MAP3K7CL: variants seen among roughly 807,000 people sequenced by gnomAD.
The protein encoded by MAP3K7CL is MAP3K7 C-terminal-like protein.
Under a neutral mutation model 18.6 loss-of-function variants are expected in MAP3K7CL, and 16 were observed. That is an observed-to-expected ratio of 0.86 (90% CI 0.58 to 1.31). The LOEUF is 1.31. Among genes scored for constraint, MAP3K7CL ranks in the 50% most tolerant of loss-of-function variants. MAP3K7CL has a pLI of 0.00. For synonymous variants in MAP3K7CL, 65 were observed against 66.8 expected (o/e 0.97, Z 0.13); for missense variants, 163 against 174.4 (o/e 0.93, Z 0.37).
intron 2 of MAP3K7CL, among the ~76,000 whole-genome samples, chr21:29,140,676 G>C (rs939575133): frequency 6.6e-6 from 1 of 152,188 alleles, no homozygotes; most frequent in Non-Finnish European, 1.5e-5. Context: ...GATGGAGGAA[G>C]GTTACTTCTG....
intron 4 of MAP3K7CL, among the ~76,000 whole-genome samples, chr21:29,161,810 A>G (rs979008306): frequency 1.3e-5 from 2 of 152,194 alleles, no homozygotes; most frequent in Non-Finnish European, 2.9e-5. Flanking sequence ...TGGTGGTCGG[A>G]CAGTATAGCA....
At position 29,159,938 on chromosome 21, in the gene MAP3K7CL, A is replaced by T. The variant is rs1372418775; in HGVS notation, c.133-3A>T. ...GACTAATTTCTTCTTGTTGTTTGTG[A>T]AGCCCCTGCCGCCTTGTCATGACTC... is the stretch of plus-strand genomic sequence containing the variant. On this transcript the variant is annotated splice_polypyrimidine_tract_variant and splice_region_variant and intron_variant, in intron 3 of 4. Transcript: ENST00000399928. The T allele has an allele frequency of 1.2e-6, 2 of 1,610,974 alleles. No homozygotes were observed. Among genetic ancestry groups the T allele is most frequent in the South Asian group, 2.2e-5 (2 of 90,850 alleles).
intron 4 of MAP3K7CL, among the ~76,000 whole-genome samples, chr21:29,119,045 C>T (rs2086549967): frequency 6.6e-6 from 1 of 152,156 alleles, no homozygotes; most frequent in Admixed American, 6.5e-5. Flanking sequence ...CCAGTCTCGG[C>T]CATTATCTAT....
At chr21:29,144,140 GT>G (rs2087072237) in intron 2 of MAP3K7CL, among the ~76,000 whole-genome samples, 1 of 151,194 alleles carries the variant, frequency 6.6e-6, no homozygotes, top group Admixed American at 6.6e-5. Context: ...AATTCCCCAT[GT>G]TTTAGGGAAT....
chr21:29,145,018 A>T (rs2087095650), intron 2 of MAP3K7CL, among the ~76,000 whole-genome samples: 1 of 152,102 alleles, frequency 6.6e-6, no homozygotes, highest in Admixed American at 6.5e-5. Context: ...TATATAAAAA[A>T]TTTTCCTCTT....
chr21:29,103,439 T>A (rs2086267233), intron 4 of MAP3K7CL, among the ~76,000 whole-genome samples: 1 of 151,074 alleles, frequency 6.6e-6, no homozygotes, highest in African/African-American at 2.4e-5. Flanking sequence ...AAAAAAAAAT[T>A]AAAAATTACA....
Position 29,174,785 on chromosome 21 carries a change from G to A in MAP3K7CL, c.322G>A (p.Glu108Lys), listed in dbSNP as rs766097899. The change falls in exon 5 of 5, where the codon GAG becomes AAG. Residue 108 changes from glutamate (E) to lysine (K), a missense_variant. Coordinates refer to ENST00000399928, the MANE Select transcript of MAP3K7CL (RefSeq NM_001286620.2). ...TGCTGCTGAGCTGGTTCGGGAATTC[G>A]AGGCTCTGACGGAGGAGAATCGGAC... ...VDAAELVREF[E>K]ALTEENRTLR... The A allele has an allele frequency of 1.2e-5, 20 of 1,614,008 alleles. No homozygotes were observed. The highest frequency in any genetic ancestry group is 8.8e-5 in the South Asian group (8 of 91,092).
intron 2 of MAP3K7CL, among the ~76,000 whole-genome samples, chr21:29,139,826 C>T (rs1026958857): frequency 2.0e-5 from 3 of 151,776 alleles, no homozygotes; most frequent in Admixed American, 6.6e-5. Flanking sequence ...CTCAGGTGAC[C>T]GCCCGCCTTG....
At chr21:29,095,547 G>A (rs1016264972) in intron 4 of MAP3K7CL, among the ~76,000 whole-genome samples, 1 of 152,152 alleles carries the variant, frequency 6.6e-6, no homozygotes, top group Non-Finnish European at 1.5e-5. Context: ...TGAATTAATT[G>A]ACCACCTCAA....
At chr21:29,111,272 AAACAACAAC>A (rs148218950) in intron 4 of MAP3K7CL, among the ~76,000 whole-genome samples, 1 of 151,248 alleles carries the variant, frequency 6.6e-6, no homozygotes, top group Non-Finnish European at 1.5e-5. Context: ...AGAAAAAACA[AAACAACAAC>A]AACAACAACA....
upstream of MAP3K7CL, among the ~76,000 whole-genome samples, chr21:29,077,180 C>T (rs953164364): frequency 2.0e-5 from 3 of 152,230 alleles, no homozygotes; most frequent in Non-Finnish European, 4.4e-5. Context: ...CTTGCCAGTC[C>T]GCCGCCGTGA....
chr21:29,112,876 G>A (rs1314661040), intron 4 of MAP3K7CL, among the ~76,000 whole-genome samples: 1 of 150,988 alleles, frequency 6.6e-6, no homozygotes, highest in African/African-American at 2.4e-5. Flanking sequence ...AGGCTAGAGT[G>A]CGCACCACTG....
chr21:29,093,669 T>C (rs2086070277), intron 4 of MAP3K7CL, among the ~76,000 whole-genome samples: 2 of 151,830 alleles, frequency 1.3e-5, no homozygotes, highest in Non-Finnish European at 2.9e-5. Flanking sequence ...TTTTTTTTTT[T>C]AGTAGAGATG....
Position 29,159,997 on chromosome 21 carries a change from C to T in MAP3K7CL, c.189C>T (p.Cys63=). The T allele has an allele frequency of 6.2e-7, 1 of 1,614,096 alleles. No homozygotes were observed. The highest frequency in any genetic ancestry group is 8.5e-7 in the Non-Finnish European group (1 of 1,179,960). The change falls in exon 4 of 5, where the codon TGC becomes TGT. Residue 63 remains cysteine (C), a synonymous_variant. Transcript: ENST00000399928. ...CCATGGAGGTGTTCAAACAGCACTG[C>T]CAAATAGCAGAAGAATACCATGAGG... ...EESMEVFKQH[C]QIAEEYHEVK... is the part of the protein sequence containing the mutation.
At chr21:29,084,006 T>C (rs1272424987), upstream of MAP3K7CL, among the ~76,000 whole-genome samples, 2 of 147,992 alleles carry the variant, frequency 1.4e-5, no homozygotes, top group Non-Finnish European at 3.0e-5. Context: ...CATGTATATG[T>C]ATATATTTTA....
At chr21:29,159,161 TC>T (rs1367154406) in intron 3 of MAP3K7CL, among the ~76,000 whole-genome samples, 1 of 152,150 alleles carries the variant, frequency 6.6e-6, no homozygotes, top group Non-Finnish European at 1.5e-5. Flanking sequence ...CCTCAAGTGA[TC>T]CACCTGGCCT....
rs184872348 is a variant in MAP3K7CL at position 29,089,414 on chromosome 21, C to T, written c.58-2087C>T. 7.2e-5 allele frequency among the ~76,000 whole-genome samples: 11 copies of T among 152,258 alleles called. No homozygotes were observed. In the East Asian group the frequency reaches 2.1e-3, roughly 29 times the overall value. On this transcript the variant is annotated intron_variant, in intron 1 of 6. Coordinates refer to the MAP3K7CL transcript ENST00000286791. Reference sequence around the variant, plus strand: ...ATAATGATGTTATTATTATCTATCTCACATACATTATGGGTTAATACGTAT... The same window carrying T: ...ATAATGATGTTATTATTATCTATCTTACATACATTATGGGTTAATACGTAT...
In MAP3K7CL at chr21:29,175,097, C is replaced by G; in HGVS notation, c.*205C>G. 2.2e-6 allele frequency: 1 copy of G among 447,688 alleles called. No individual in the cohort carries two copies. Among genetic ancestry groups the G allele is most frequent in the Non-Finnish European group, 3.9e-6 (1 of 256,770 alleles). 27.7% of individuals were successfully genotyped at this position (447,688 alleles called of 1,614,324 possible). On this transcript the variant is annotated 3_prime_UTR_variant, in exon 5 of 5. Coordinates refer to ENST00000399928, the MANE Select transcript of MAP3K7CL (RefSeq NM_001286620.2). ...TGAGATCATTAACGTGAAACTATTA[C>G]TAGTATATGTTTTTGGAGATCAGAA... is the stretch of plus-strand genomic sequence containing the variant.
intron 1 of MAP3K7CL, among the ~76,000 whole-genome samples, chr21:29,086,321 T>C (rs1473613575): frequency 6.6e-6 from 1 of 152,186 alleles, no homozygotes; most frequent in African/African-American, 2.4e-5. Flanking sequence ...GGAAAAATCA[T>C]TGGCACATCT....
Sources: gnomAD v4.1 joint callset for allele counts (sites outside exome capture counted in the v4.1 genomes callset) on GRCh38, gnomAD v4.1.1 for gene constraint, MANE v1.5 for transcripts, NCBI Gene and HGNC (gene_info 2026-07-23, HGNC 2026-07-21) for gene names.